The following NRG2 variants were observed in gnomAD, a reference collection of about 807,000 sequenced individuals.
NRG2 encodes pro-neuregulin-2, membrane-bound isoform.
NRG2 carries 27 observed loss-of-function variants against 73.9 expected under a neutral mutation model. The observed-to-expected ratio is 0.37, with a 90% CI of 0.27 to 0.50. The LOEUF (loss-of-function observed/expected upper bound fraction) is 0.50. Ranked by LOEUF, NRG2 falls within the 20% of genes least tolerant of loss-of-function variation. The pLI, the probability that NRG2 is intolerant of heterozygous loss-of-function variation, is 0.96. For missense variants in NRG2, 1,126 were observed against 1,210.1 expected, an observed-to-expected ratio of 0.93 and a Z score of 1.03; for synonymous variants, 532 against 541.0, an observed-to-expected ratio of 0.98 and a Z score of 0.23.
At chr5:139,963,645 T>C (rs545183700) in intron 1 of NRG2, among the ~76,000 whole-genome samples, 1 of 152,332 alleles carries the variant, frequency 6.6e-6, no homozygotes, top group South Asian at 2.1e-4. Flanking sequence ...CCCTGTAGGT[T>C]ATAGAAGAGG....
chr5:139,978,051 A>T (rs2126551296), intron 1 of NRG2, among the ~76,000 whole-genome samples: 1 of 152,342 alleles, frequency 6.6e-6, no homozygotes, highest in East Asian at 1.9e-4. Context: ...CTTCATGTCT[A>T]AAACACCAAA....
At chr5:139,972,446 T>C (rs1260554627) in intron 1 of NRG2, among the ~76,000 whole-genome samples, 1 of 152,124 alleles carries the variant, frequency 6.6e-6, no homozygotes, top group African/African-American at 2.4e-5. Flanking sequence ...TGTCATAAAC[T>C]GGGCACGGTG....
At chr5:140,029,835 A>G (rs1254607682) in intron 1 of NRG2, among the ~76,000 whole-genome samples, 1 of 152,166 alleles carries the variant, frequency 6.6e-6, no homozygotes, top group Non-Finnish European at 1.5e-5. Flanking sequence ...AAAAGAAGAC[A>G]TGGTGATTGA....
rs146134716 is a variant in NRG2 at position 140,027,988 on chromosome 5, T to C, written c.700+14382A>G. ...GCAATAGGACTGAGCCCTACTCACA[T>C]GCCAGGCTGGATTTCAAAACTGCTA... On this transcript the variant is annotated intron_variant, in intron 1 of 9. Coordinates refer to ENST00000361474, the MANE Select transcript of NRG2 (RefSeq NM_004883.3). 2.0e-5 allele frequency among the ~76,000 whole-genome samples: 3 copies of C among 152,326 alleles called. No individual in the cohort carries two copies. In the East Asian group the frequency reaches 5.8e-4, roughly 29 times the overall value.
intron 1 of NRG2, among the ~76,000 whole-genome samples, chr5:140,032,088 A>G (rs1761201513): frequency 6.6e-6 from 1 of 152,118 alleles, no homozygotes; most frequent in African/African-American, 2.4e-5. Flanking sequence ...AAAAGGTGCT[A>G]CTCCTAATTC....
chr5:140,035,855 A>G (rs60069051), intron 1 of NRG2, among the ~76,000 whole-genome samples: 5 of 152,296 alleles, frequency 3.3e-5, no homozygotes, highest in African/African-American at 1.2e-4. Context: ...TGATAAACAG[A>G]ACCACTGTGG....
chr5:139,904,499 T>C lies in NRG2; in HGVS notation c.701-16988A>G, dbSNP rs1669833888. Reference sequence around the variant, plus strand: ...GTGCCCGAGCGCGGCGCCTTTCTTATAGGCGGTCACACCCTCCGGGGGAGG... The same window carrying C: ...GTGCCCGAGCGCGGCGCCTTTCTTACAGGCGGTCACACCCTCCGGGGGAGG... On this transcript the variant is annotated intron_variant, in intron 1 of 9. Transcript: ENST00000361474. This position sits in a 1 kb window ranked among gnomAD's most constrained non-coding sequence, Gnocchi z 6.0. The C allele has an allele frequency of 9.6e-6, 6 of 622,554 alleles. No individual in the cohort carries two copies. Among genetic ancestry groups the C allele is most frequent in the African/African-American group, 3.9e-5 (2 of 51,514 alleles). 38.6% of individuals were successfully genotyped at this position (622,554 alleles called of 1,614,324 possible).
At position 139,904,613 on chromosome 5, in the gene NRG2, C is replaced by G. The variant is rs903528306; in HGVS notation, c.701-17102G>C. Among the ~76,000 whole-genome samples, 1 of 152,148 alleles carries G rather than the reference C, an allele frequency of 6.6e-6. No individual in the cohort carries two copies. Among genetic ancestry groups the G allele is most frequent in the Admixed American group, 6.5e-5 (1 of 15,290 alleles). ...CGGGCCGCGGGGGCGTGTGGGCGGC[C>G]GGTCTGGGCCCTAGGCCCCCTCCCT... On this transcript the variant is annotated intron_variant, in intron 1 of 9. Coordinates refer to ENST00000361474, the MANE Select transcript of NRG2 (RefSeq NM_004883.3). The surrounding 1 kb of genome is among the most constrained non-coding windows in gnomAD (Gnocchi z 6.0).
intron 1 of NRG2, among the ~76,000 whole-genome samples, chr5:139,903,859 G>A (rs1043539425): frequency 6.6e-6 from 1 of 152,244 alleles, no homozygotes; most frequent in African/African-American, 2.4e-5. Context: ...GGGAGGTGTG[G>A]CACATGGGTA....
At position 139,847,927 on chromosome 5, in the gene NRG2, G is replaced by A. The variant is rs1761095338; in HGVS notation, c.2543C>T (p.Ala848Val). Residue 848 changes from alanine to valine, a missense_variant, in exon 10 of 10, where the codon GCG becomes GTG. Transcript: ENST00000361474. ...GCGCGCGGCGGGGCCCTAGAGTGGCGCCGAGTCCTGCTTGGCCCGCGGGGG... is the reference window on the plus strand; with the variant it reads ...GCGCGCGGCGGGGCCCTAGAGTGGCACCGAGTCCTGCTTGGCCCGCGGGGG... ...GPPPRAKQDS[A>V]PL is the part of the protein sequence containing the mutation. The A allele has an allele frequency of 1.3e-6, 2 of 1,490,912 alleles. No homozygotes were observed. Among genetic ancestry groups the A allele is most frequent in the South Asian group, 1.3e-5 (1 of 78,776 alleles). 92.4% of individuals were successfully genotyped at this position (1,490,912 alleles called of 1,614,324 possible). A position where few individuals can be genotyped will look rare whatever the true frequency, so the allele number is the denominator to read the frequency against.
intron 3 of NRG2, 119 bp from the exon 4 acceptor site, chr5:139,871,960 G>A: frequency 7.3e-7 from 1 of 1,362,764 alleles, no homozygotes; most frequent in Non-Finnish European, 1.0e-6. Flanking sequence ...AGGAATGACT[G>A]GGGAGGGGAG....
At chr5:139,860,697 G>C (rs1762095909) in intron 5 of NRG2, among the ~76,000 whole-genome samples, 1 of 152,166 alleles carries the variant, frequency 6.6e-6, no homozygotes, top group Admixed American at 6.5e-5. Context: ...TCAACTGGTG[G>C]ACAAATTACA....
At chr5:139,902,340 G>A (rs1039162895) in intron 1 of NRG2, among the ~76,000 whole-genome samples, 1 of 152,226 alleles carries the variant, frequency 6.6e-6, no homozygotes, top group African/African-American at 2.4e-5. Flanking sequence ...CAGAGGAAAA[G>A]CCCATTTCCC....
At chr5:139,953,438 T>C (rs1042216322) in intron 1 of NRG2, among the ~76,000 whole-genome samples, 1 of 152,182 alleles carries the variant, frequency 6.6e-6, no homozygotes, top group Admixed American at 6.5e-5. Context: ...AATATCTATC[T>C]ACGCCTCTTG....
chr5:139,967,067 C>G (rs959036827), intron 1 of NRG2, among the ~76,000 whole-genome samples: 2 of 152,078 alleles, frequency 1.3e-5, no homozygotes, highest in African/African-American at 4.8e-5. Context: ...ACCTGAGATG[C>G]CAGTCATGTG....
intron 1 of NRG2, among the ~76,000 whole-genome samples, chr5:139,956,860 C>T (rs745720725): frequency 6.6e-6 from 1 of 152,228 alleles, no homozygotes; most frequent in Non-Finnish European, 1.5e-5. Context: ...AACCCCTCCC[C>T]AGCTTCGTGG....
intron 1 of NRG2, among the ~76,000 whole-genome samples, chr5:139,972,827 T>G (rs926496797): frequency 6.6e-5 from 10 of 152,126 alleles, no homozygotes; most frequent in Admixed American, 1.3e-4. Flanking sequence ...ATAAGGAACC[T>G]TGTAACAATA....
chr5:139,851,565 C>G lies in NRG2; in HGVS notation c.1772+39G>C, dbSNP rs1761418504. ...GCCTTGGGCCAGTGGTGCCAGCCCT[C>G]TGGCTAAGCGGGGAATAGGTCAGGG... is the stretch of plus-strand genomic sequence containing the variant. On this transcript the variant is annotated intron_variant, in intron 9 of 9. Coordinates refer to ENST00000361474, the MANE Select transcript of NRG2 (RefSeq NM_004883.3). The surrounding 1 kb of genome is among the most constrained non-coding windows in gnomAD (Gnocchi z 4.2). The G allele has an allele frequency of 6.2e-7, 1 of 1,600,264 alleles. No homozygotes were observed.
intron 1 of NRG2, among the ~76,000 whole-genome samples, chr5:139,959,603 C>T (rs1426522238): frequency 6.6e-6 from 1 of 151,932 alleles, no homozygotes; most frequent in African/African-American, 2.4e-5. Flanking sequence ...CTCGAACTCC[C>T]GACCTCAGAT....
Sources: gnomAD v4.1 joint callset for allele counts (sites outside exome capture counted in the v4.1 genomes callset) on GRCh38, gnomAD v4.1.1 for gene constraint, Gnocchi (gnomAD v3.1) non-coding constraint, MANE v1.5 for transcripts, NCBI Gene and HGNC (gene_info 2026-07-23, HGNC 2026-07-21) for gene names.